Variants in MAP7D2 observed in about 807,000 individuals in gnomAD.
MAP7D2 encodes MAP7 domain-containing protein 2.
In MAP7D2, 33 loss-of-function variants were observed where a neutral mutation model predicts 63.5. The ratio of observed to expected loss-of-function variants is 0.52; its 90% CI spans 0.39 to 0.70. MAP7D2 has a LOEUF of 0.70. Among genes scored for constraint, MAP7D2 ranks in the 30% least tolerant of loss-of-function variants. The pLI is 0.00. For missense variants in MAP7D2, 626 were observed against 604.0 expected, an observed-to-expected ratio of 1.04 and a Z score of -0.38; for synonymous variants, 224 against 223.7, an observed-to-expected ratio of 1.00 and a Z score of -0.01.
chrX:20,069,333 C>T (rs773407966), intron 1 of MAP7D2, among the ~76,000 whole-genome samples: 71 of 110,366 alleles, frequency 6.4e-4, no homozygotes, highest in African/African-American at 2.1e-3. Flanking sequence ...CAGCCTCCCA[C>T]GTAGCTGGAA....
chrX:20,088,294 T>C (rs1472271428), intron 1 of MAP7D2, among the ~76,000 whole-genome samples: 1 of 87,422 alleles, frequency 1.1e-5, no homozygotes, highest in Non-Finnish European at 2.1e-5. Context: ...TCAATAGTTT[T>C]CTTTTTTTTT....
intron 1 of MAP7D2, among the ~76,000 whole-genome samples, chrX:20,091,418 C>G (rs1603400827): frequency 9.2e-6 from 1 of 108,393 alleles, no homozygotes; most frequent in South Asian, 4.1e-4. Context: ...GCCTGTAATC[C>G]CAGCACTTTG....
chrX:20,097,308 T>C (rs887153029), intron 1 of MAP7D2, among the ~76,000 whole-genome samples: 10 of 112,412 alleles, frequency 8.9e-5, no homozygotes, highest in Non-Finnish European at 1.7e-4. Flanking sequence ...CCAAAAGCCA[T>C]GTGCAGTTTC....
intron 1 of MAP7D2, among the ~76,000 whole-genome samples, chrX:20,083,797 G>A (rs1214151072): frequency 9.0e-6 from 1 of 111,415 alleles, no homozygotes; most frequent in African/African-American, 3.3e-5. Flanking sequence ...GCAAAGTCTG[G>A]AGATATTTTG....
intron 16 of MAP7D2, 125 bp downstream of exon 16, chrX:20,010,652 A>G (rs766818544): frequency 3.8e-6 from 2 of 526,899 alleles, no homozygotes; most frequent in East Asian, 7.2e-5. Flanking sequence ...AGTATACCAT[A>G]ATATATTCAT....
At chrX:20,075,028 G>A (rs932936840) in intron 1 of MAP7D2, among the ~76,000 whole-genome samples, 1 of 111,797 alleles carries the variant, frequency 8.9e-6, no homozygotes, top group Non-Finnish European at 1.9e-5. Flanking sequence ...ACTCTAGCCT[G>A]GGTGACAGAA....
intron 1 of MAP7D2, among the ~76,000 whole-genome samples, chrX:20,094,559 T>A (rs1341593315): frequency 6.8e-5 from 1 of 14,735 alleles, no homozygotes; most frequent in Non-Finnish European, 1.1e-4. Context: ...TATATATATA[T>A]ATATATATAC....
At chrX:20,116,259 C>A (rs1287681357) in intron 1 of MAP7D2, among the ~76,000 whole-genome samples, 1 of 113,294 alleles carries the variant, frequency 8.8e-6, no homozygotes, top group Admixed American at 9.2e-5. Flanking sequence ...ATGGGTGACA[C>A]GCCGATTTTG....
intron 12 of MAP7D2, among the ~76,000 whole-genome samples, chrX:20,014,372 A>C (rs1041109083): frequency 1.8e-5 from 2 of 111,775 alleles, no homozygotes; most frequent in Non-Finnish European, 3.8e-5. Flanking sequence ...GTTCGAGACC[A>C]GCCTGGCCAA....
At chrX:20,022,074 A>C (rs987034073) in intron 10 of MAP7D2, among the ~76,000 whole-genome samples, 1 of 111,969 alleles carries the variant, frequency 8.9e-6, no homozygotes, top group Non-Finnish European at 1.9e-5. Flanking sequence ...GTATGGGTGA[A>C]GAGTGGGGGG....
intron 5 of MAP7D2, among the ~76,000 whole-genome samples, chrX:20,051,560 C>A (rs111625050): frequency 0.014 from 1,389 of 97,733 alleles, 7 homozygotes; most frequent in Middle Eastern, 0.015. Flanking sequence ...AAAAAACAAA[C>A]AAAAAAAAAA....
chrX:20,112,617 C>T (rs1242407913), intron 1 of MAP7D2, among the ~76,000 whole-genome samples: 2 of 111,224 alleles, frequency 1.8e-5, no homozygotes, highest in Non-Finnish European at 3.8e-5. Context: ...TCCCTAAGGG[C>T]GGCTGCCCTC....
chrX:20,093,385 G>A (rs752046803), intron 1 of MAP7D2, among the ~76,000 whole-genome samples: 2 of 112,039 alleles, frequency 1.8e-5, no homozygotes, highest in Non-Finnish European at 3.8e-5. Flanking sequence ...GCCTGGGCGC[G>A]GTGGCTCACG....
chrX:20,019,438 T>C (rs2073550634), intron 10 of MAP7D2, among the ~76,000 whole-genome samples: 1 of 111,841 alleles, frequency 8.9e-6, no homozygotes, highest in Non-Finnish European at 1.9e-5. Flanking sequence ...ACTGTCATCA[T>C]TTGGCATTCA....
At chrX:20,026,743 C>T (rs896449502) in intron 8 of MAP7D2, among the ~76,000 whole-genome samples, 21 of 111,842 alleles carry the variant, frequency 1.9e-4, no homozygotes, top group Admixed American at 3.8e-4. Flanking sequence ...GTTACAGGTA[C>T]GCCAGCCTAG....
At chrX:20,052,099 T>C (rs901554971) in intron 5 of MAP7D2, among the ~76,000 whole-genome samples, 7 of 112,381 alleles carry the variant, frequency 6.2e-5, no homozygotes, top group Non-Finnish European at 1.3e-4. Context: ...AACCAGCCTT[T>C]TGCTCTGCCC....
At chrX:20,035,554 C>T (rs1314419599) in intron 8 of MAP7D2, among the ~76,000 whole-genome samples, 1 of 111,369 alleles carries the variant, frequency 9.0e-6, no homozygotes, top group Non-Finnish European at 1.9e-5. Flanking sequence ...TCCCTTTGAT[C>T]AGGGACAGCT....
intron 3 of MAP7D2, among the ~76,000 whole-genome samples, chrX:20,059,806 A>G (rs1569097268): frequency 9.0e-6 from 1 of 111,006 alleles, no homozygotes; most frequent in Non-Finnish European, 1.9e-5. Context: ...GGAAAGAAGG[A>G]AGGAGCGAGC....
intron 1 of MAP7D2, among the ~76,000 whole-genome samples, chrX:20,084,706 T>C (rs994195125): frequency 9.1e-6 from 1 of 109,919 alleles, no homozygotes; most frequent in African/African-American, 3.3e-5. Context: ...GTAGCTGGGA[T>C]TACAGGTGCG....
Sources: gnomAD v4.1 joint callset for allele counts (sites outside exome capture counted in the v4.1 genomes callset) on GRCh38, gnomAD v4.1.1 for gene constraint, MANE v1.5 for transcripts, NCBI Gene and HGNC (gene_info 2026-07-23, HGNC 2026-07-21) for gene names.